PDE1A: variants seen among roughly 807,000 people sequenced by gnomAD.
PDE1A encodes dual specificity calcium/calmodulin-dependent 3',5'-cyclic nucleotide phosphodiesterase 1A.
In PDE1A, 35 loss-of-function variants were observed where a neutral mutation model predicts 61.7. The observed-to-expected ratio is 0.57, with a 90% CI of 0.43 to 0.75. The LOEUF is 0.75. Ranked by LOEUF, PDE1A falls within the 30% of genes least tolerant of loss-of-function variation. The pLI is 0.00. For missense variants in PDE1A, 597 were observed against 630.6 expected, an observed-to-expected ratio of 0.95 and a Z score of 0.57; for synonymous variants, 232 against 213.2, an observed-to-expected ratio of 1.09 and a Z score of -0.77.
intron 1 of PDE1A, among the ~76,000 whole-genome samples, chr2:182,264,878 C>CATATACATATATATATATATATATATAT (rs1692500859): frequency 9.4e-6 from 1 of 106,878 alleles, no homozygotes; most frequent in African/African-American, 3.7e-5. Flanking sequence ...TATATATATA[C>CATATACATATATATATATATATATATAT]ATATATATAT....
At chr2:182,714,393 G>A in the PDE1A span, among the ~76,000 whole-genome samples, 1 of 152,018 alleles carries the variant, frequency 6.6e-6, no homozygotes, top group Non-Finnish European at 1.5e-5. Context: ...TTTATGCAGG[G>A]TATATTCACT....
the PDE1A span, among the ~76,000 whole-genome samples, chr2:182,600,109 A>G: frequency 1.3e-5 from 2 of 152,220 alleles, no homozygotes; most frequent in African/African-American, 4.8e-5. Context: ...ACTCTACAGC[A>G]AAGTTCTCTT....
intron 2 of PDE1A, among the ~76,000 whole-genome samples, chr2:182,518,838 C>T (rs1420276937): frequency 6.6e-6 from 1 of 152,042 alleles, no homozygotes; most frequent in Non-Finnish European, 1.5e-5. Context: ...GAAAAATGCT[C>T]ATTTTCAGTT....
At chr2:182,327,365 CA>C (rs1559340814) in intron 1 of PDE1A, among the ~76,000 whole-genome samples, 1 of 151,998 alleles carries the variant, frequency 6.6e-6, no homozygotes, top group Non-Finnish European at 1.5e-5. Context: ...GCATTCCAGG[CA>C]GAGAAAAATT....
At chr2:182,386,035 G>A (rs574440542) in intron 1 of PDE1A, among the ~76,000 whole-genome samples, 251 of 152,278 alleles carry the variant, frequency 1.6e-3, no homozygotes, top group South Asian at 4.6e-3. Context: ...GTGTTTTTTT[G>A]GTGGAGACGG....
chr2:182,401,223 A>G (rs1701981923), intron 1 of PDE1A, among the ~76,000 whole-genome samples: 1 of 152,210 alleles, frequency 6.6e-6, no homozygotes, highest in Admixed American at 6.5e-5. Context: ...ACGACACAAA[A>G]AGAAAATTTT....
chr2:182,251,549 G>A (rs1408648572), intron 2 of PDE1A, among the ~76,000 whole-genome samples: 1 of 152,202 alleles, frequency 6.6e-6, no homozygotes, highest in Non-Finnish European at 1.5e-5. Flanking sequence ...CAGAAAGTCT[G>A]GGAGTGAGGC....
chr2:182,463,042 A>G (rs1455365428), intron 2 of PDE1A, among the ~76,000 whole-genome samples: 1 of 151,974 alleles, frequency 6.6e-6, no homozygotes, highest in East Asian at 1.9e-4. Flanking sequence ...GGAGTTCGAG[A>G]CCAGCCTGGC....
the PDE1A span, among the ~76,000 whole-genome samples, chr2:182,626,462 T>G: frequency 1.1e-4 from 17 of 151,772 alleles, no homozygotes; most frequent in Non-Finnish European, 2.1e-4. Flanking sequence ...AGGCCATTGC[T>G]TTTGAAAATT....
intron 2 of PDE1A, among the ~76,000 whole-genome samples, chr2:182,250,239 T>A (rs1335980332): frequency 6.6e-6 from 1 of 152,230 alleles, no homozygotes; most frequent in Non-Finnish European, 1.5e-5. Context: ...GTTTGATCTG[T>A]CTTGATCTGT....
At chr2:182,401,333 T>C (rs1701988104) in intron 1 of PDE1A, among the ~76,000 whole-genome samples, 1 of 152,184 alleles carries the variant, frequency 6.6e-6, no homozygotes, top group Admixed American at 6.5e-5. Context: ...ACGATCAAGT[T>C]GGCTTCATCC....
At position 182,416,548 on chromosome 2, in the gene PDE1A, T is replaced by G. The variant is rs188409093; in HGVS notation, c.53+10030A>C. Among the ~76,000 whole-genome samples the G allele has an allele frequency of 8.4e-3, 1,275 of 152,352 alleles. 10 individuals are homozygous for G. The highest frequency in any genetic ancestry group is 0.014 in the Non-Finnish European group (950 of 68,028). The stretch of plus-strand genomic sequence containing the variant: ...TTCCTTCAACTAGGCAACATTTTTT[T>G]GCCTGACTTCTCTAAGAGGAGATGA... On this transcript the variant is annotated intron_variant, in intron 1 of 13. Coordinates refer to ENST00000351439, the Ensembl canonical transcript of PDE1A.
downstream of PDE1A, among the ~76,000 whole-genome samples, chr2:182,166,361 T>C (rs1691652692): frequency 6.6e-6 from 1 of 152,138 alleles, no homozygotes; most frequent in Non-Finnish European, 1.5e-5. Context: ...CTCAGCTTGC[T>C]CTGGCTTTCT....
chr2:182,381,301 T>G (rs1031165654), intron 1 of PDE1A, among the ~76,000 whole-genome samples: 3 of 152,168 alleles, frequency 2.0e-5, no homozygotes, highest in Non-Finnish European at 4.4e-5. Context: ...AGCTCCCACT[T>G]CATCATCATG....
At chr2:182,214,332 G>T (rs1030369328) in intron 7 of PDE1A, among the ~76,000 whole-genome samples, 16 of 151,758 alleles carry the variant, frequency 1.1e-4, no homozygotes, top group Middle Eastern at 3.4e-3. Flanking sequence ...AAAGACCATC[G>T]AGACTAGGAA....
intron 1 of PDE1A, among the ~76,000 whole-genome samples, chr2:182,307,599 A>T (rs1307377859): frequency 6.6e-6 from 1 of 152,202 alleles, no homozygotes; most frequent in Non-Finnish European, 1.5e-5. Context: ...TCACTGGATC[A>T]TTAGGAAAAT....
At chr2:182,467,972 T>C (rs932646677) in intron 2 of PDE1A, among the ~76,000 whole-genome samples, 11 of 152,040 alleles carry the variant, frequency 7.2e-5, no homozygotes, top group Non-Finnish European at 4.4e-5. Flanking sequence ...AAAAACAACA[T>C]AGATACCTTA....
At chr2:182,140,735 G>A (rs1690191626) in exon 15 of PDE1A, 1 of 152,140 alleles carries the variant, frequency 6.6e-6, no homozygotes, top group African/African-American at 2.4e-5. Flanking sequence ...CAACAGTAAT[G>A]TTTGCAGAAA....
chr2:182,429,449 G>A (rs1221286762), upstream of PDE1A, among the ~76,000 whole-genome samples: 2 of 151,986 alleles, frequency 1.3e-5, no homozygotes, highest in African/African-American at 4.8e-5. Flanking sequence ...AATTTATTAT[G>A]AATAGTTTTT....
Sources: allele counts gnomAD v4.1 joint callset (sites outside exome capture counted in the v4.1 genomes callset), GRCh38; gene constraint gnomAD v4.1.1; transcripts MANE v1.5; gene names NCBI Gene and HGNC (gene_info 2026-07-23, HGNC 2026-07-21).